The following MUC5AC variants were observed in gnomAD, a reference collection of about 807,000 sequenced individuals.
MUC5AC encodes the protein mucin-5AC.
Under a neutral mutation model 169.7 loss-of-function variants are expected in MUC5AC, and 158 were observed. The ratio of observed to expected loss-of-function variants is 0.93; its 90% CI spans 0.82 to 1.06. The LOEUF (loss-of-function observed/expected upper bound fraction) is 1.06, where lower values mean the gene tolerates loss of function less well. Among genes scored for constraint, MUC5AC ranks in the 50% least tolerant of loss-of-function variants. MUC5AC has a pLI of 0.00. For missense variants in MUC5AC, 4,359 were observed against 3,089.9 expected, an observed-to-expected ratio of 1.41 and a Z score of -9.74; for synonymous variants, 1,975 against 1,237.0, an observed-to-expected ratio of 1.60 and a Z score of -12.52.
At chr11:1,159,548 C>CTGTGTGGGGCTGTGT (rs1860067654) in intron 1 of MUC5AC, among the ~76,000 whole-genome samples, 8 of 41,670 alleles carry the variant, frequency 1.9e-4, no homozygotes, top group African/African-American at 7.5e-4. Flanking sequence ...CGGGGCTGTG[C>CTGTGTGGGGCTGTGT]GGGGCTGTGC....
chr11:1,160,793 G>A, intron 2 of MUC5AC, 104 bp downstream of exon 2: 1 of 1,223,264 alleles, frequency 8.2e-7, no homozygotes, highest in Non-Finnish European at 1.1e-6. Flanking sequence ...TCCCCAGCTG[G>A]CCACTGCTGA....
At chr11:1,169,444 C>A (rs1420632351) in intron 15 of MUC5AC, among the ~76,000 whole-genome samples, 1 of 122,894 alleles carries the variant, frequency 8.1e-6, no homozygotes, top group Non-Finnish European at 1.7e-5. Flanking sequence ...CTCACTCACC[C>A]ACTCACTCAC....
chr11:1,179,313 G>A (rs925211162), intron 26 of MUC5AC, 65 bp downstream of exon 26: 10 of 455,384 alleles, frequency 2.2e-5, no homozygotes, highest in Admixed American at 1.2e-4. Flanking sequence ...CACCACACTC[G>A]CCGCTGATGC....
chr11:1,180,834 C>G (rs1860800645), intron 28 of MUC5AC, among the ~76,000 whole-genome samples: 1 of 152,104 alleles, frequency 6.6e-6, no homozygotes, highest in Non-Finnish European at 1.5e-5. Context: ...CCTAGGGTCC[C>G]CACCGGAAGG....
rs1377402525 is a variant in MUC5AC at position 1,192,425 on chromosome 11, G to A, written c.14280G>A (p.Val4760=). The change falls in exon 31 of 49, where the codon GTG becomes GTA. Residue 4760 remains valine, a synonymous_variant. Transcript: ENST00000621226. ...SLSTSMVSAS[V]ASTSVASSSV... ...CTACTTCCATGGTATCCGCCTCCGT[G>A]GCATCCACCTCTGTGGCATCCAGCT... 1 of 765,092 alleles carries A rather than the reference G, an allele frequency of 1.3e-6. No homozygotes were observed. Among genetic ancestry groups the A allele is most frequent in the Admixed American group, 1.7e-5 (1 of 59,030 alleles). The allele number at this position is 765,092 out of a possible 1,614,324, so 47.4% of individuals were successfully genotyped here.
At chr11:1,164,073 G>A (rs747819035) in intron 7 of MUC5AC, 33 bp from the exon 8 acceptor site, 7 of 1,610,190 alleles carry the variant, frequency 4.3e-6, no homozygotes, top group African/African-American at 4.0e-5. Context: ...ATCCCCCACC[G>A]AGGACTCAGA....
At position 1,185,776 on chromosome 11, in the gene MUC5AC, C is replaced by T. The variant is rs1211851362; in HGVS notation, c.7631C>T (p.Pro2544Leu). 21 of 742,434 alleles carry T rather than the reference C, an allele frequency of 2.8e-5. No individual in the cohort carries two copies. Among genetic ancestry groups the T allele is most frequent in the African/African-American group, 2.6e-4 (15 of 58,280 alleles). 46.0% of individuals were successfully genotyped at this position (742,434 alleles called of 1,614,324 possible). A position where few individuals can be genotyped will look rare whatever the true frequency, so the allele number is the denominator to read the frequency against. The stretch of plus-strand genomic sequence containing the variant: ...CCCACCACCAGCACAACCTCTGCTC[C>T]TACAACCAGCACAACCTCTGCCCCT... The part of the protein sequence containing the change: ...PVPTTSTTSA[P>L]TTSTTSAPIS... The change falls in exon 31 of 49, where the codon CCT becomes CTT. Residue 2544 changes from proline to leucine, a missense_variant. Transcript: ENST00000621226.
intron 6 of MUC5AC, among the ~76,000 whole-genome samples, chr11:1,163,590 A>T (rs1296969469): frequency 2.0e-5 from 3 of 152,022 alleles, no homozygotes; most frequent in Non-Finnish European, 2.9e-5. Context: ...GCAGGAGGAG[A>T]CCAGGGTCCT....
rs1322704138 is a variant in MUC5AC at position 1,200,426 on chromosome 11, C to T, written c.16701-12C>T. On this transcript the variant is annotated splice_polypyrimidine_tract_variant and intron_variant, in intron 48 of 48. Transcript: ENST00000621226. ...GGCGCAGCAGCTGGTGCTGAGCAGCCCCTGCCCACAGGTACTCGCTCGAGG... is the reference window on the plus strand; with the variant it reads ...GGCGCAGCAGCTGGTGCTGAGCAGCTCCTGCCCACAGGTACTCGCTCGAGG... 3 of 683,746 alleles carry T rather than the reference C, an allele frequency of 4.4e-6. No individual in the cohort carries two copies. The highest frequency in any genetic ancestry group is 3.5e-5 in the African/African-American group (2 of 57,008). 42.4% of individuals were successfully genotyped at this position (683,746 alleles called of 1,614,324 possible). A position where few individuals can be genotyped will look rare whatever the true frequency, so the allele number is the denominator to read the frequency against.
intron 11 of MUC5AC, among the ~76,000 whole-genome samples, chr11:1,167,203 CACCCAACACACA>C (rs1860359510): frequency 6.8e-6 from 1 of 146,796 alleles, no homozygotes; most frequent in Non-Finnish European, 1.5e-5. Flanking sequence ...TGAGACCCTG[CACCCAACACACA>C]GTCTCCCCAA....
At chr11:1,177,915 T>C (rs1305596609) in intron 24 of MUC5AC, among the ~76,000 whole-genome samples, 1 of 95,756 alleles carries the variant, frequency 1.0e-5, no homozygotes, top group Non-Finnish European at 2.1e-5. Flanking sequence ...AGGGCCGAAC[T>C]CTTTCAGAAG....
chr11:1,165,826 CCCCCAGCTTGGCTGCATGT>C (rs1860308139), intron 11 of MUC5AC, 66 bp downstream of exon 11: 2 of 1,597,002 alleles, frequency 1.3e-6, no homozygotes, highest in African/African-American at 2.7e-5. Flanking sequence ...CCCACAGGCT[CCCCCAGCTTGGCTGCATGT>C]CACTGCTGCC....
rs1286480426 is a variant in MUC5AC at position 1,165,396 on chromosome 11, C to A, written c.1224C>A (p.Thr408=). Residue 408 remains threonine (T), a synonymous_variant, in exon 10 of 49, where the codon ACC becomes ACA. Transcript: ENST00000621226. The part of the protein sequence containing the change: ...YNGAAYAPGA[T]YSTDCTNCTC... ...GGGCTGCCTATGCCCCAGGGGCCAC[C>A]TACTCCACAGACTGCACCAACTGGT... 1 of 1,612,268 alleles carries A rather than the reference C, an allele frequency of 6.2e-7. No individual in the cohort carries two copies. Among genetic ancestry groups the A allele is most frequent in the Admixed American group, 1.7e-5 (1 of 59,990 alleles).
Position 1,195,056 on chromosome 11 carries a change from G to A in MUC5AC, c.15235G>A (p.Gly5079Arg). 1 of 753,160 alleles carries A rather than the reference G, an allele frequency of 1.3e-6. No individual in the cohort carries two copies. The highest frequency in any genetic ancestry group is 1.7e-5 in the African/African-American group (1 of 59,000). The allele number at this position is 753,160 out of a possible 1,614,324, so 46.7% of individuals were successfully genotyped here. A position where few individuals can be genotyped will look rare whatever the true frequency, so the allele number is the denominator to read the frequency against. The change falls in exon 36 of 49, where the codon GGG (glycine) becomes AGG (arginine). Residue 5079 changes from glycine to arginine, a missense_variant. Gly to Arg is a moderately radical substitution (Grantham distance 125). Coordinates refer to ENST00000621226, the MANE Select transcript of MUC5AC (RefSeq NM_001304359.2). ...DRKDECRTPR[G>R]TVVASCSEMS... ...GAAGGATGAGTGCCGCACGCCTAGG[G>A]GGACGGTGGTCGCTTCCTGCTCCGA...
chr11:1,178,797 G>T (rs1860745591), intron 25 of MUC5AC, 114 bp downstream of exon 25: 12 of 521,360 alleles, frequency 2.3e-5, no homozygotes, highest in Non-Finnish European at 2.7e-5. Context: ...CAAGGGTGTG[G>T]GCTGCTGGGA....
rs369888821 is a variant in MUC5AC at position 1,192,790 on chromosome 11, C to T, written c.14388C>T (p.Thr4796=). 528 of 759,440 alleles carry T rather than the reference C, an allele frequency of 7.0e-4. 2 individuals are homozygous for T. In the African/African-American group the frequency reaches 8.5e-3, roughly 12 times the overall value. 47.0% of individuals were successfully genotyped at this position (759,440 alleles called of 1,614,324 possible). A position where few individuals can be genotyped will look rare whatever the true frequency, so the allele number is the denominator to read the frequency against. The part of the protein sequence containing the change: ...VADRLYPAGS[T]IYRHRDLAGH... ...TGTCCCTTCCTCTTACAGGATCCAC[C>T]ATATACCGCCACAGAGACCTCGCTG... The change falls in exon 32 of 49, where the codon ACC becomes ACT. Residue 4796 remains threonine, a synonymous_variant. Coordinates refer to ENST00000621226, the MANE Select transcript of MUC5AC (RefSeq NM_001304359.2).
intron 2 of MUC5AC, among the ~76,000 whole-genome samples, 197 bp downstream of exon 2, chr11:1,160,886 C>A (rs566431728): frequency 7.7e-4 from 118 of 152,348 alleles, no homozygotes; most frequent in African/African-American, 2.6e-3. Flanking sequence ...TTGGGCCAGC[C>A]CCCTGCAGCG....
intron 46 of MUC5AC, 70 bp downstream of exon 46, chr11:1,199,560 A>T: frequency 1.4e-6 from 1 of 695,478 alleles, no homozygotes; most frequent in Non-Finnish European, 2.6e-6. Flanking sequence ...GGCTGTGATC[A>T]TCCCTGCAGC....
At position 1,197,171 on chromosome 11, in the gene MUC5AC, C is replaced by T. The variant is rs144750004; in HGVS notation, c.15861+263C>T. Among the ~76,000 whole-genome samples, 406 of 152,284 alleles carry T rather than the reference C, an allele frequency of 2.7e-3. 1 individual carries two copies. Among genetic ancestry groups the T allele is most frequent in the African/African-American group, 9.0e-3 (374 of 41,564 alleles). ...GTGTTGCTCTGTGGGTGGGTGCTGG[C>T]CCCGAGGCTGGCTGTGCTCTTCCCT... On this transcript the variant is annotated intron_variant, in intron 40 of 48. Transcript: ENST00000621226.
Sources: allele counts gnomAD v4.1 joint callset (sites outside exome capture counted in the v4.1 genomes callset), GRCh38; gene constraint gnomAD v4.1.1; transcripts MANE v1.5; gene names NCBI Gene and HGNC (gene_info 2026-07-23, HGNC 2026-07-21).